SMAD4: variants seen among roughly 807,000 people sequenced by gnomAD.
SMAD4 encodes MAD homolog 4.
SMAD4 carries 7 observed loss-of-function variants against 63.2 expected under a neutral mutation model. The ratio of observed to expected loss-of-function variants is 0.11; its 90% CI spans 0.06 to 0.21. SMAD4 has a LOEUF of 0.21. Ranked by LOEUF, SMAD4 falls within the 10% of genes least tolerant of loss-of-function variation. The probability of loss-of-function intolerance (pLI) is 1.00; values close to 1 mark genes in which losing one functional copy is unlikely to be tolerated. For missense variants in SMAD4, 312 were observed against 693.8 expected, an observed-to-expected ratio of 0.45 and a Z score of 6.18; for synonymous variants, 215 against 235.4, an observed-to-expected ratio of 0.91 and a Z score of 0.79.
intron 1 of SMAD4, among the ~76,000 whole-genome samples, chr18:51,031,961 A>G (rs931636677): frequency 2.6e-5 from 4 of 152,176 alleles, no homozygotes; most frequent in Non-Finnish European, 5.9e-5. Flanking sequence ...TAATATTCCA[A>G]ACTGTAAAAT....
chr18:51,032,649 C>G (rs930424546), intron 1 of SMAD4, among the ~76,000 whole-genome samples: 6 of 152,080 alleles, frequency 3.9e-5, no homozygotes, highest in Non-Finnish European at 7.3e-5. Context: ...TTTATGCTGC[C>G]CAGTCACACT....
At chr18:51,056,588 C>G (rs957606890) in intron 5 of SMAD4, among the ~76,000 whole-genome samples, 1 of 141,666 alleles carries the variant, frequency 7.1e-6, no homozygotes, top group African/African-American at 2.6e-5. Context: ...TCACTGCACT[C>G]CAGCCTGGGC....
intron 8 of SMAD4, among the ~76,000 whole-genome samples, chr18:51,062,285 A>G (rs1438785009): frequency 1.3e-5 from 2 of 152,180 alleles, no homozygotes; most frequent in African/African-American, 4.8e-5. Flanking sequence ...ACAGAAAAGT[A>G]TGTAACACAA....
chr18:51,062,527 C>T (rs1221160853), intron 8 of SMAD4, among the ~76,000 whole-genome samples: 1 of 151,542 alleles, frequency 6.6e-6, no homozygotes, highest in African/African-American at 2.4e-5. Flanking sequence ...TTGAGATGAA[C>T]TCTTGTTCTG....
intron 4 of SMAD4, chr18:51,054,460 G>C: frequency 3.0e-6 from 1 of 333,800 alleles, no homozygotes. Context: ...TATGTATTTA[G>C]GTGATTATTC....
intron 1 of SMAD4, among the ~76,000 whole-genome samples, chr18:51,038,253 G>C (rs1000404705): frequency 1.4e-5 from 2 of 144,276 alleles, no homozygotes; most frequent in South Asian, 2.3e-4. Flanking sequence ...CGAGACTGTG[G>C]GGGGGGGGGC....
rs147145633 is a variant in SMAD4, at chr18:51,039,523, G to A, written c.-127-7397G>A. 7.4e-3 allele frequency among the ~76,000 whole-genome samples: 450 copies of A among 61,026 alleles called. 6 individuals are homozygous for A. The highest frequency in any genetic ancestry group is 0.068 in the East Asian group (186 of 2,728). 40.0% of individuals were successfully genotyped at this position (61,026 alleles called of 152,430 possible). ...CCCCCCCACCCCCCGTAGTTCCATC[G>A]GAAGTGCTAGAGCTATGTCACTTGC... On this transcript the variant is annotated intron_variant, in intron 1 of 11. Coordinates refer to ENST00000342988, the MANE Select transcript of SMAD4 (RefSeq NM_005359.6).
intron 10 of SMAD4, among the ~76,000 whole-genome samples, chr18:51,070,199 A>G (rs987165023): frequency 1.3e-5 from 2 of 152,222 alleles, no homozygotes; most frequent in African/African-American, 4.8e-5. Flanking sequence ...ACTTAATCAG[A>G]TATGGAGTAG....
rs748615724 is a variant in SMAD4 at position 51,054,940 on chromosome 18, A to C, written c.614A>C (p.Glu205Ala). ...ACCCCAGCTCTGTTAGCCCCATCTG[A>C]GTCTAATGCTACCAGCACTGCCAAC... ...YSTPALLAPSESNATSTANFP... is the reference protein window; with the variant it reads ...YSTPALLAPSASNATSTANFP... Residue 205 changes from glutamate (E) to alanine (A), a missense_variant, in exon 5 of 12, where the codon GAG becomes GCG. Around this residue, in one of 4 missense-constraint regions of SMAD4, gnomAD observed 169 missense variants for 211.0 expected, o/e 0.80. Coordinates refer to ENST00000342988, the MANE Select transcript of SMAD4 (RefSeq NM_005359.6). The C allele has an allele frequency of 2.5e-6, 4 of 1,614,184 alleles. No homozygotes were observed. Among genetic ancestry groups the C allele is most frequent in the Non-Finnish European group, 2.5e-6 (3 of 1,180,002 alleles).
At chr18:51,032,046 T>C (rs1045066347) in intron 1 of SMAD4, among the ~76,000 whole-genome samples, 5 of 152,234 alleles carry the variant, frequency 3.3e-5, no homozygotes, top group African/African-American at 1.2e-4. Context: ...TTTACTTAAA[T>C]GGGTTTGTTA....
At chr18:51,038,995 T>C (rs1006620904) in intron 1 of SMAD4, among the ~76,000 whole-genome samples, 3 of 152,124 alleles carry the variant, frequency 2.0e-5, no homozygotes, top group African/African-American at 7.2e-5. Flanking sequence ...TAATCCCAGC[T>C]ACTTGGGAGG....
In SMAD4 at chr18:51,080,508, T is replaced by G. The variant is rs979817891; in HGVS notation, c.*2041T>G. On this transcript the variant is annotated 3_prime_UTR_variant, in exon 12 of 12. Coordinates refer to ENST00000342988, the MANE Select transcript of SMAD4 (RefSeq NM_005359.6). ...CAGATTTTTAAAAATCCAGATGATT[T>G]GATTAAAACCTTAATCATACATTGA... is the stretch of plus-strand genomic sequence containing the variant. 6 of 219,542 alleles carry G rather than the reference T, an allele frequency of 2.7e-5. No individual in the cohort carries two copies. Among genetic ancestry groups the G allele is most frequent in the Non-Finnish European group, 5.5e-5 (6 of 109,612 alleles). 13.6% of individuals were successfully genotyped at this position (219,542 alleles called of 1,614,324 possible).
Position 51,082,195 on chromosome 18 carries a change from G to A in SMAD4, c.*3728G>A, listed in dbSNP as rs551257153. The stretch of plus-strand genomic sequence containing the variant: ...AGTTAACAATTATTTTGTAGGTGGG[G>A]TACACTCAGCTTAAAGTAATGCATT... On this transcript the variant is annotated 3_prime_UTR_variant, in exon 12 of 12. Transcript: ENST00000342988. 14 of 229,916 alleles carry A rather than the reference G, an allele frequency of 6.1e-5. No homozygotes were observed. Among genetic ancestry groups the A allele is most frequent in the African/African-American group, 2.9e-4 (13 of 45,304 alleles). 14.2% of individuals were successfully genotyped at this position (229,916 alleles called of 1,614,324 possible).
intron 1 of SMAD4, among the ~76,000 whole-genome samples, chr18:51,034,214 C>T (rs1909135857): frequency 6.6e-6 from 1 of 151,616 alleles, no homozygotes. Context: ...CCCTCCCTCC[C>T]TCCCTTTCTC....
chr18:51,083,801 T>G lies in SMAD4; in HGVS notation c.*5334T>G, dbSNP rs529462368. The G allele has an allele frequency of 2.3e-4, 54 of 231,282 alleles. No homozygotes were observed. Among genetic ancestry groups the G allele is most frequent in the African/African-American group, 1.2e-3 (54 of 45,356 alleles). 14.3% of individuals were successfully genotyped at this position (231,282 alleles called of 1,614,324 possible). A position where few individuals can be genotyped will look rare whatever the true frequency, so the allele number is the denominator to read the frequency against. ...TGACCTTGGCTACCTTGCAGCAGTTTTGGATTTCTTCCTTATCTTTGTTCT... is the reference window on the plus strand; with the variant it reads ...TGACCTTGGCTACCTTGCAGCAGTTGTGGATTTCTTCCTTATCTTTGTTCT... On this transcript the variant is annotated 3_prime_UTR_variant, in exon 12 of 12. Coordinates refer to ENST00000342988, the MANE Select transcript of SMAD4 (RefSeq NM_005359.6).
chr18:51,077,792 T>TGA (rs1002256393), intron 11 of SMAD4, among the ~76,000 whole-genome samples: 3 of 152,164 alleles, frequency 2.0e-5, no homozygotes, highest in African/African-American at 4.8e-5. Context: ...ACTTTGAAAT[T>TGA]GAGAGAGAGA....
At chr18:51,044,678 C>G (rs1160408678) in intron 1 of SMAD4, among the ~76,000 whole-genome samples, 1 of 152,200 alleles carries the variant, frequency 6.6e-6, no homozygotes, top group East Asian at 1.9e-4. Flanking sequence ...CAGGTGTGAG[C>G]CACCGTGCCT....
At position 51,067,810 on chromosome 18, in the gene SMAD4, C is replaced by T. The variant is rs146176832; in HGVS notation, c.1308+623C>T. On this transcript the variant is annotated intron_variant, in intron 10 of 11. Transcript: ENST00000342988. ...ACTTGAAATTTGTAAGAATCAGACTCTGGACTTTCATCTTAGCCAATCTTC... is the reference window on the plus strand; with the variant it reads ...ACTTGAAATTTGTAAGAATCAGACTTTGGACTTTCATCTTAGCCAATCTTC... Among the ~76,000 whole-genome samples, 513 of 152,248 alleles carry T rather than the reference C, an allele frequency of 3.4e-3. 6 individuals are homozygous for T. In the East Asian group the frequency reaches 0.042, roughly 13 times the overall value.
chr18:51,043,286 T>A (rs911786326), intron 1 of SMAD4, among the ~76,000 whole-genome samples: 2 of 152,220 alleles, frequency 1.3e-5, no homozygotes, highest in Non-Finnish European at 2.9e-5. Flanking sequence ...ATACAGTGTT[T>A]GTTGAATTGG....
Sources: gnomAD v4.1 joint callset for allele counts (sites outside exome capture counted in the v4.1 genomes callset) on GRCh38, gnomAD v4.1.1 for gene constraint, gnomAD v4.1.1 regional missense constraint, MANE v1.5 for transcripts, NCBI Gene and HGNC (gene_info 2026-07-23, HGNC 2026-07-21) for gene names.